WLS: variants seen among roughly 807,000 people sequenced by gnomAD.
WLS encodes the protein protein wntless homolog.
Under a neutral mutation model 62.8 loss-of-function variants are expected in WLS, and 23 were observed. The observed-to-expected ratio is 0.37, with a 90% confidence interval of 0.26 to 0.52. The LOEUF (loss-of-function observed/expected upper bound fraction) is 0.52. Ranked by LOEUF, WLS falls within the 20% of genes least tolerant of loss-of-function variation. The pLI is 0.92. For synonymous variants in WLS, 246 were observed against 244.1 expected, an observed-to-expected ratio of 1.01 and a Z score of -0.07; for missense variants, 615 against 697.3, an observed-to-expected ratio of 0.88 and a Z score of 1.33.
chr1:68,142,247 G>A (rs1198082298), intron 10 of WLS, among the ~76,000 whole-genome samples: 2 of 152,200 alleles, frequency 1.3e-5, no homozygotes, highest in Admixed American at 6.5e-5. Context: ...GGAGAATGAC[G>A]TCAGCCTCCC....
intron 10 of WLS, among the ~76,000 whole-genome samples, chr1:68,141,258 A>C (rs950772720): frequency 1.3e-5 from 2 of 152,084 alleles, no homozygotes; most frequent in African/African-American, 2.4e-5. Flanking sequence ...TCACACACAC[A>C]CAAAAGAGCT....
rs1450338626 is a variant in WLS at position 68,205,704 on chromosome 1, A to C, written c.107-11477T>G. ...AGGGAAGATTTTGGCCATTTCTTTA[A>C]CACCCTTTAAACAGTACCTACCAGA... On this transcript the variant is annotated intron_variant, in intron 1 of 11. Coordinates refer to ENST00000262348, the MANE Select transcript of WLS (RefSeq NM_024911.7). Among the ~76,000 whole-genome samples, 3 of 152,200 alleles carry C rather than the reference A, an allele frequency of 2.0e-5. No homozygotes were observed. The East Asian group carries it at 5.8e-4, about 29-fold the overall frequency.
intron 2 of WLS, among the ~76,000 whole-genome samples, chr1:68,166,858 G>A (rs1647067449): frequency 6.6e-6 from 1 of 152,290 alleles, no homozygotes; most frequent in Non-Finnish European, 1.5e-5. Flanking sequence ...CCATAACTCA[G>A]AAAGCCCTAC....
Position 68,148,175 on chromosome 1 carries a change from G to T in WLS, c.1095C>A (p.Phe365Leu). ...CAATGTCTGTAGTCCAGATACTGTA[G>T]AAGGGATTCGTGAGTTGTACCCCTC... is the stretch of plus-strand genomic sequence containing the variant. ...CERGVQLTNP[F>L]YSIWTTDIGT... Residue 365 changes from phenylalanine to leucine, a missense_variant, in exon 8 of 12, where the codon TTC becomes TTA. Phe to Leu is a conservative substitution (Grantham distance 22). Transcript: ENST00000262348. 6.2e-7 allele frequency: 1 copy of T among 1,614,198 alleles called. No homozygotes were observed. Among genetic ancestry groups the T allele is most frequent in the Non-Finnish European group, 8.5e-7 (1 of 1,180,032 alleles).
chr1:68,138,552 AACATC>A (rs1390794161), intron 10 of WLS: 6 of 152,256 alleles, frequency 3.9e-5, no homozygotes, highest in Non-Finnish European at 2.9e-5. Context: ...TTATTTCTAT[AACATC>A]CCTTGAAGTA....
intron 2 of WLS, among the ~76,000 whole-genome samples, chr1:68,175,451 G>A (rs1338258992): frequency 6.6e-6 from 1 of 152,200 alleles, no homozygotes; most frequent in Non-Finnish European, 1.5e-5. Flanking sequence ...CCCGCTTCTT[G>A]CTCTAAAAAG....
At chr1:68,153,721 C>A in intron 4 of WLS, 68 bp from the exon 5 acceptor site, 1 of 1,603,616 alleles carries the variant, frequency 6.2e-7, no homozygotes, top group East Asian at 2.2e-5. Flanking sequence ...CTAGCAAATG[C>A]TTTTGTGGGA....
intron 2 of WLS, among the ~76,000 whole-genome samples, chr1:68,169,293 T>C (rs899665416): frequency 7.2e-5 from 11 of 152,222 alleles, no homozygotes; most frequent in African/African-American, 1.9e-4. Flanking sequence ...CTTACCCCTA[T>C]TGTAGCCAAG....
chr1:68,213,935 A>G (rs1365142816), intron 1 of WLS, among the ~76,000 whole-genome samples: 1 of 152,184 alleles, frequency 6.6e-6, no homozygotes, highest in Non-Finnish European at 1.5e-5. Flanking sequence ...CATAACATCT[A>G]CTGAATTTCC....
Position 68,144,660 on chromosome 1 carries a change from A to G in WLS, c.1279-8T>C. The G allele has an allele frequency of 6.2e-7, 1 of 1,611,614 alleles. No homozygotes were observed. Among genetic ancestry groups the G allele is most frequent in the Non-Finnish European group, 8.5e-7 (1 of 1,178,030 alleles). ...GAACCTAAAAATTAGCCCCTATTAG[A>G]AAAGAAAGAGTAGTTTAATACTCCA... On this transcript the variant is annotated splice_polypyrimidine_tract_variant and splice_region_variant and intron_variant, in intron 9 of 11. Coordinates refer to ENST00000262348, the MANE Select transcript of WLS (RefSeq NM_024911.7).
Position 68,194,011 on chromosome 1 carries a change from T to A in WLS, c.323A>T (p.Gln108Leu). Reference sequence around the variant, plus strand: ...CAGCTGCAGGATAAACAGCATGAATTGGAACCAAGGACTCATCTCCATGTG... The same window carrying A: ...CAGCTGCAGGATAAACAGCATGAATAGGAACCAAGGACTCATCTCCATGTG... ...LPHMEMSPWF[Q>L]FMLFILQLDI... The change falls in exon 2 of 12, where the codon CAA becomes CTA. Residue 108 changes from glutamine to leucine, a missense_variant. By Grantham distance (113) the Gln-to-Leu change is moderately radical. Transcript: ENST00000262348. 2 of 1,614,166 alleles carry A rather than the reference T, an allele frequency of 1.2e-6. No individual in the cohort carries two copies. The highest frequency in any genetic ancestry group is 1.7e-6 in the Non-Finnish European group (2 of 1,180,028).
intron 1 of WLS, among the ~76,000 whole-genome samples, chr1:68,219,900 G>A (rs1036731513): frequency 1.3e-5 from 2 of 152,012 alleles, no homozygotes; most frequent in Non-Finnish European, 2.9e-5. Context: ...TTTCCCAGTG[G>A]ATGATGACTC....
intron 11 of WLS, among the ~76,000 whole-genome samples, chr1:68,137,280 A>AT (rs5774915): frequency 0.96 from 145,711 of 152,076 alleles, 70,034 homozygotes; most frequent in South Asian, 1. Flanking sequence ...GGACAGGAAG[A>AT]ACTGGGGACA....
intron 2 of WLS, among the ~76,000 whole-genome samples, chr1:68,163,404 C>CGGCGGTGGCGGT (rs879405716): frequency 6.6e-6 from 1 of 151,912 alleles, no homozygotes; most frequent in South Asian, 2.1e-4. Context: ...CCCCACCCTG[C>CGGCGGTGGCGGT]GGCGGTGGCG....
At chr1:68,232,163 G>A (rs935593917) in intron 1 of WLS, 31 bp downstream of exon 1, 1 of 1,613,470 alleles carries the variant, frequency 6.2e-7, no homozygotes, top group Non-Finnish European at 8.5e-7. Flanking sequence ...AAGACAGAAA[G>A]GGGGAAAAGT....
At position 68,159,118 on chromosome 1, in the gene WLS, CATACCTTGGGAGATGTG is replaced by C; in HGVS notation, c.492_504+4del. On this transcript the variant is annotated splice_donor_variant and splice_donor_region_variant and coding_sequence_variant and intron_variant, in exon 3 of 12. Coordinates refer to ENST00000262348, the MANE Select transcript of WLS (RefSeq NM_024911.7). LOFTEE classifies it high-confidence loss of function. ...ACTGTCAGCTTAGACAGCAAGGGGT[CATACCTTGGGAGATGTG>C]AAGGTGCATTTGAGTTTCCGTGGTA... 6.2e-7 allele frequency: 1 copy of C among 1,613,708 alleles called. No individual in the cohort carries two copies. The highest frequency in any genetic ancestry group is 8.5e-7 in the Non-Finnish European group (1 of 1,179,900).
chr1:68,197,265 T>A (rs1301316281), intron 1 of WLS, among the ~76,000 whole-genome samples: 1 of 152,092 alleles, frequency 6.6e-6, no homozygotes, highest in Non-Finnish European at 1.5e-5. Flanking sequence ...GCCTGCCTTT[T>A]TAGGGGCCTG....
chr1:68,120,899 C>CT (rs35146197), downstream of WLS, among the ~76,000 whole-genome samples: 1 of 152,232 alleles, frequency 6.6e-6, no homozygotes, highest in Non-Finnish European at 1.5e-5. Context: ...TCGAACTGTA[C>CT]TTTTTTAAAA....
At chr1:68,154,046 A>T (rs540527905) in intron 4 of WLS, among the ~76,000 whole-genome samples, 10 of 152,194 alleles carry the variant, frequency 6.6e-5, no homozygotes, top group Non-Finnish European at 8.8e-5. Flanking sequence ...GATACACTTT[A>T]GAGGTACGGA....
Sources: gnomAD v4.1 joint callset for allele counts (sites outside exome capture counted in the v4.1 genomes callset) on GRCh38, gnomAD v4.1.1 for gene constraint, MANE v1.5 for transcripts, NCBI Gene and HGNC (gene_info 2026-07-23, HGNC 2026-07-21) for gene names.